Variants in IMMP2L observed in about 807,000 individuals in gnomAD.
IMMP2L encodes the protein inner mitochondrial membrane peptidase subunit 2, also known as mitochondrial inner membrane protease subunit 2.
Under a neutral mutation model 19.3 loss-of-function variants are expected in IMMP2L, and 18 were observed. The ratio of observed to expected loss-of-function variants is 0.93; its 90% CI spans 0.64 to 1.38. IMMP2L has a LOEUF of 1.38. Among genes scored for constraint, IMMP2L ranks in the 40% most tolerant of loss-of-function variants. IMMP2L has a pLI of 0.00. For synonymous variants in IMMP2L, 76 were observed against 73.0 expected (o/e 1.04, Z -0.21); for missense variants, 233 against 218.2 (o/e 1.07, Z -0.43).
intron 3 of IMMP2L, among the ~76,000 whole-genome samples, chr7:111,221,002 C>A (rs907001948): frequency 3.3e-5 from 5 of 152,042 alleles, no homozygotes; most frequent in Non-Finnish European, 7.4e-5. Context: ...CCATTTTAAA[C>A]GCTAATCTCT....
At chr7:111,297,177 C>T (rs1821727701) in intron 3 of IMMP2L, among the ~76,000 whole-genome samples, 1 of 151,976 alleles carries the variant, frequency 6.6e-6, no homozygotes, top group Non-Finnish European at 1.5e-5. Context: ...TGACAAATTC[C>T]ATAGGACTAT....
At chr7:111,237,395 T>G (rs559696506) in intron 3 of IMMP2L, among the ~76,000 whole-genome samples, 2 of 152,244 alleles carry the variant, frequency 1.3e-5, no homozygotes, top group African/African-American at 4.8e-5. Flanking sequence ...CATATTCACA[T>G]GTATTTTACC....
At chr7:111,504,760 G>A (rs1844696212) in intron 2 of IMMP2L, among the ~76,000 whole-genome samples, 1 of 152,172 alleles carries the variant, frequency 6.6e-6, no homozygotes, top group Non-Finnish European at 1.5e-5. Flanking sequence ...GGGAAAACTG[G>A]CTAGCCATGT....
chr7:111,511,487 A>G (rs1417946025), intron 2 of IMMP2L, among the ~76,000 whole-genome samples: 1 of 151,976 alleles, frequency 6.6e-6, no homozygotes, highest in Non-Finnish European at 1.5e-5. Flanking sequence ...TCTACCAAAA[A>G]TACCAAATAA....
chr7:111,005,599 T>C (rs1251445339), intron 3 of IMMP2L, among the ~76,000 whole-genome samples: 1 of 152,198 alleles, frequency 6.6e-6, no homozygotes, highest in East Asian at 1.9e-4. Context: ...TAAATCTACA[T>C]AGTTTGTCAC....
intron 3 of IMMP2L, among the ~76,000 whole-genome samples, chr7:111,234,363 A>G (rs1388698598): frequency 6.6e-6 from 1 of 151,968 alleles, no homozygotes; most frequent in Non-Finnish European, 1.5e-5. Context: ...ATTTCTGTCT[A>G]CTCTGTCCAT....
Position 110,963,567 on chromosome 7 carries a change from T to G in IMMP2L, c.240-2A>C. On this transcript the variant is annotated splice_acceptor_variant, in intron 3 of 5. Coordinates refer to ENST00000405709, the MANE Select transcript of IMMP2L (RefSeq NM_032549.4). LOFTEE classifies it high-confidence loss of function. The stretch of plus-strand genomic sequence containing the variant: ...TTCTGTTCTGGGTTTTTAGGAGACC[T>G]AGAACAAGAAGATAACATTATACAA... 6.4e-7 allele frequency: 1 copy of G among 1,566,078 alleles called. No individual in the cohort carries two copies. Among genetic ancestry groups the G allele is most frequent in the Non-Finnish European group, 8.8e-7 (1 of 1,139,976 alleles).
At chr7:111,416,430 CCAGATTTTGAAAT>C (rs1208518050) in intron 3 of IMMP2L, among the ~76,000 whole-genome samples, 10 of 151,816 alleles carry the variant, frequency 6.6e-5, no homozygotes, top group Middle Eastern at 3.4e-3. Flanking sequence ...GAGATTTAGC[CCAGATTTTGAAAT>C]CTGGTTTGAA....
chr7:110,753,779 T>TGTGG (rs1325146029), intron 5 of IMMP2L, among the ~76,000 whole-genome samples: 2 of 151,198 alleles, frequency 1.3e-5, no homozygotes, highest in African/African-American at 4.9e-5. Flanking sequence ...TGTGTGTGTG[T>TGTGG]GGTTAGTAGA....
chr7:111,051,207 T>A (rs961319280), intron 3 of IMMP2L, among the ~76,000 whole-genome samples: 27 of 152,150 alleles, frequency 1.8e-4, no homozygotes, highest in African/African-American at 6.3e-4. Context: ...GAGTCCAAAA[T>A]CAAAGGCAAA....
chr7:111,402,794 G>A (rs1263636817), intron 3 of IMMP2L, among the ~76,000 whole-genome samples: 2 of 152,050 alleles, frequency 1.3e-5, no homozygotes, highest in East Asian at 1.9e-4. Context: ...CTGCATATCT[G>A]TATATTAAAA....
At chr7:110,999,873 G>T (rs1412879768) in intron 3 of IMMP2L, among the ~76,000 whole-genome samples, 1 of 152,108 alleles carries the variant, frequency 6.6e-6, no homozygotes, top group African/African-American at 2.4e-5. Context: ...TATTTGTGTG[G>T]AGTACTAAAG....
chr7:110,845,344 T>C (rs1246373241), intron 5 of IMMP2L, among the ~76,000 whole-genome samples: 1 of 152,152 alleles, frequency 6.6e-6, no homozygotes, highest in African/African-American at 2.4e-5. Flanking sequence ...CCATTCTCCA[T>C]ATCCCAGATT....
chr7:110,994,372 A>G (rs1384859496), intron 3 of IMMP2L, among the ~76,000 whole-genome samples: 2 of 152,168 alleles, frequency 1.3e-5, no homozygotes, highest in Non-Finnish European at 2.9e-5. Context: ...GCAATATAAA[A>G]AAATTAGCCC....
chr7:110,882,037 T>A (rs1809692997), intron 5 of IMMP2L, among the ~76,000 whole-genome samples: 1 of 152,094 alleles, frequency 6.6e-6, no homozygotes, highest in African/African-American at 2.4e-5. Context: ...ACTGATTGTC[T>A]CCCTCCCTTC....
intron 3 of IMMP2L, among the ~76,000 whole-genome samples, chr7:111,063,016 A>T (rs1323265529): frequency 6.6e-6 from 1 of 152,232 alleles, no homozygotes; most frequent in East Asian, 1.9e-4. Flanking sequence ...CAGCTCCACT[A>T]GGCAGTGCCC....
At chr7:110,775,249 CTGTG>C (rs56387151) in intron 5 of IMMP2L, among the ~76,000 whole-genome samples, 29 of 146,720 alleles carry the variant, frequency 2.0e-4, no homozygotes, top group African/African-American at 4.8e-4. Flanking sequence ...CTTAAGTCAG[CTGTG>C]TGTGTGTGTG....
intron 4 of IMMP2L, among the ~76,000 whole-genome samples, chr7:110,961,815 G>C: frequency 6.6e-6 from 1 of 151,762 alleles, no homozygotes; most frequent in East Asian, 1.9e-4. Context: ...AGACATCAAA[G>C]ACTATATATT....
chr7:110,865,368 T>C (rs1303045761), intron 5 of IMMP2L, among the ~76,000 whole-genome samples: 1 of 152,090 alleles, frequency 6.6e-6, no homozygotes. Context: ...CCTTTCAGCT[T>C]TTCCCATCTT....
Sources: gnomAD v4.1 joint callset for allele counts (sites outside exome capture counted in the v4.1 genomes callset) on GRCh38, gnomAD v4.1.1 for gene constraint, MANE v1.5 for transcripts, NCBI Gene and HGNC (gene_info 2026-07-23, HGNC 2026-07-21) for gene names.